SAMD15: variants seen among roughly 807,000 people sequenced by gnomAD.
SAMD15 encodes the protein sterile alpha motif domain-containing protein 15.
Under a neutral mutation model 50.5 loss-of-function variants are expected in SAMD15, and 37 were observed. That is an observed-to-expected ratio of 0.73 (90% confidence interval 0.56 to 0.96). The LOEUF (loss-of-function observed/expected upper bound fraction) is 0.96. SAMD15 is among the 40% of genes least tolerant of loss of function. SAMD15 has a pLI of 0.00. For synonymous variants in SAMD15, 255 were observed against 282.8 expected (o/e 0.90, Z 0.99); for missense variants, 789 against 783.8 (o/e 1.01, Z -0.08).
intron 2 of SAMD15, among the ~76,000 whole-genome samples, chr14:77,388,045 T>C (rs1432405672): frequency 6.6e-6 from 1 of 152,168 alleles, no homozygotes; most frequent in Non-Finnish European, 1.5e-5. Flanking sequence ...CTTCCTGTCT[T>C]GATAAATAAA....
chr14:77,390,122 G>T (rs548497395), intron 2 of SAMD15, among the ~76,000 whole-genome samples: 13 of 151,548 alleles, frequency 8.6e-5, no homozygotes, highest in African/African-American at 2.9e-4. Context: ...CAGTCTCCTG[G>T]GTAGCTGGGA....
At position 77,377,709 on chromosome 14, in the gene SAMD15, C is replaced by A. The variant is rs890400984; in HGVS notation, c.291C>A (p.Ser97Arg). ...AGGAGTCCAAGAGAGACGTACCAAG[C>A]GAAACTGAACCAGGGATACACCAAG... ...IAKESKRDVPSETEPGIHQEV... is the reference protein window; with the variant it reads ...IAKESKRDVPRETEPGIHQEV... Residue 97 changes from serine to arginine, a missense_variant, in exon 1 of 3, where the codon AGC (serine) becomes AGA (arginine). This residue lies in a region of SAMD15 where 770 missense variants were observed against 745.4 expected (regional missense o/e 1.03). Coordinates refer to ENST00000216471, the MANE Select transcript of SAMD15 (RefSeq NM_001010860.4). 2 of 1,614,062 alleles carry A rather than the reference C, an allele frequency of 1.2e-6. No individual in the cohort carries two copies. The highest frequency in any genetic ancestry group is 3.3e-5 in the Admixed American group (2 of 60,012).
At position 77,391,337 on chromosome 14, in the gene SAMD15, T is replaced by A; in HGVS notation, c.*93T>A. 1 of 817,964 alleles carries A rather than the reference T, an allele frequency of 1.2e-6. No individual in the cohort carries two copies. The highest frequency in any genetic ancestry group is 1.8e-5 in the South Asian group (1 of 55,822). The allele number at this position is 817,964 out of a possible 1,614,324, so 50.7% of individuals were successfully genotyped here. A position where few individuals can be genotyped will look rare whatever the true frequency, so the allele number is the denominator to read the frequency against. On this transcript the variant is annotated 3_prime_UTR_variant, in exon 3 of 3. Coordinates refer to ENST00000216471, the MANE Select transcript of SAMD15 (RefSeq NM_001010860.4). ...TTGGTTTTCTTTTTCTCCTTTTTTT[T>A]TTTTTTATTTTTTTGAGACAGAGTC...
chr14:77,386,198 T>A (rs1299245854), intron 2 of SAMD15, among the ~76,000 whole-genome samples: 2 of 152,122 alleles, frequency 1.3e-5, no homozygotes, highest in Non-Finnish European at 2.9e-5. Flanking sequence ...GTAAAACCAT[T>A]CTTTGTTGTG....
At chr14:77,387,547 A>G (rs1406469145) in intron 2 of SAMD15, among the ~76,000 whole-genome samples, 1 of 152,178 alleles carries the variant, frequency 6.6e-6, no homozygotes, top group Non-Finnish European at 1.5e-5. Context: ...AAATCACTGA[A>G]TAGGAGGAGA....
Position 77,391,336 on chromosome 14 carries a change from T to TA in SAMD15, c.*92_*93insA. The TA allele has an allele frequency of 2.5e-6, 2 of 816,142 alleles. No individual in the cohort carries two copies. Among genetic ancestry groups the TA allele is most frequent in the Non-Finnish European group, 1.9e-6 (1 of 514,530 alleles). The allele number at this position is 816,142 out of a possible 1,614,324, so 50.6% of individuals were successfully genotyped here. A position where few individuals can be genotyped will look rare whatever the true frequency, so the allele number is the denominator to read the frequency against. On this transcript the variant is annotated 3_prime_UTR_variant, in exon 3 of 3. Transcript: ENST00000216471. ...TTTGGTTTTCTTTTTCTCCTTTTTTTTTTTTTTATTTTTTTGAGACAGAGT... is the reference window on the plus strand; with the variant it reads ...TTTGGTTTTCTTTTTCTCCTTTTTTTATTTTTTTATTTTTTTGAGACAGAGT...
chr14:77,391,565 G>A lies in SAMD15; in HGVS notation c.*321G>A, dbSNP rs558260605. On this transcript the variant is annotated 3_prime_UTR_variant, in exon 3 of 3. Coordinates refer to ENST00000216471, the MANE Select transcript of SAMD15 (RefSeq NM_001010860.4). ...ACTCCTAACAGTTGATCTGCCCGCC[G>A]TGGCGTCCCAAAGTGCTGGGATTAC... 9 of 201,128 alleles carry A rather than the reference G, an allele frequency of 4.5e-5. No homozygotes were observed. Among genetic ancestry groups the A allele is most frequent in the South Asian group, 2.7e-4 (2 of 7,294 alleles). The allele number at this position is 201,128 out of a possible 1,614,324, so 12.5% of individuals were successfully genotyped here.
intron 2 of SAMD15, among the ~76,000 whole-genome samples, chr14:77,382,776 C>A (rs1049483333): frequency 1.7e-4 from 26 of 151,952 alleles, no homozygotes; most frequent in Non-Finnish European, 3.1e-4. Flanking sequence ...AGTGCAGTGG[C>A]TCGATTTCAG....
At position 77,391,915 on chromosome 14, in the gene SAMD15, A is replaced by G. The variant is rs1894078404; in HGVS notation, c.*671A>G. On this transcript the variant is annotated 3_prime_UTR_variant, in exon 3 of 3. Transcript: ENST00000216471. ...CTAAAAATACAAAAATTAGCTGGGC[A>G]TGGTGGCACATGCCTGTAGTCCCAG... 6.6e-6 allele frequency among the ~76,000 whole-genome samples: 1 copy of G among 152,170 alleles called. No individual in the cohort carries two copies. The highest frequency in any genetic ancestry group is 2.4e-5 in the African/African-American group (1 of 41,530).
At position 77,380,407 on chromosome 14, in the gene SAMD15, AG is replaced by A; in HGVS notation, c.1715del (p.Ser572MetfsTer18). The A allele has an allele frequency of 6.2e-7, 1 of 1,613,568 alleles. No individual in the cohort carries two copies. Among genetic ancestry groups the A allele is most frequent in the Non-Finnish European group, 8.5e-7 (1 of 1,179,522 alleles). On this transcript the variant is annotated frameshift_variant, in exon 2 of 3. Transcript: ENST00000216471. LOFTEE classifies it high-confidence loss of function. ...GGAGTGTTTTATCACAAACTTCATC[AG>A]TGGCCGAAAACTCATTCACGTCAAC... ...YKECFITNFI[S>X]GRKLIHVNCS...
chr14:77,390,258 A>T (rs1894056743), intron 2 of SAMD15, among the ~76,000 whole-genome samples: 2 of 152,056 alleles, frequency 1.3e-5, no homozygotes, highest in African/African-American at 4.8e-5. Flanking sequence ...TGCCTCCCAA[A>T]GTGCTGGGAT....
Position 77,377,808 on chromosome 14 carries a change from TA to T in SAMD15, c.393del (p.Glu132SerfsTer4). On this transcript the variant is annotated frameshift_variant, in exon 1 of 3. Transcript: ENST00000216471. LOFTEE classifies it high-confidence loss of function. Reference sequence around the variant, plus strand: ...TGGAGGCCCCTATGGATGAAACGCATAAAGAGTCAGACCTAGAGCCACCAGA... The same window carrying T: ...TGGAGGCCCCTATGGATGAAACGCATAAGAGTCAGACCTAGAGCCACCAGA... ...DLEAPMDETH[K>X]ESDLEPPEEA... 7 of 1,614,066 alleles carry T rather than the reference TA, an allele frequency of 4.3e-6. No individual in the cohort carries two copies. The highest frequency in any genetic ancestry group is 5.9e-6 in the Non-Finnish European group (7 of 1,180,016).
At chr14:77,383,243 A>AAAT (rs964750165) in intron 2 of SAMD15, among the ~76,000 whole-genome samples, 5 of 152,180 alleles carry the variant, frequency 3.3e-5, no homozygotes, top group Non-Finnish European at 7.3e-5. Context: ...TCGCTTAAAA[A>AAAT]AATAATAATA....
intron 2 of SAMD15, among the ~76,000 whole-genome samples, chr14:77,386,333 A>G (rs1894006239): frequency 6.6e-6 from 1 of 152,136 alleles, no homozygotes; most frequent in Non-Finnish European, 1.5e-5. Context: ...CGTAATCCCT[A>G]ATCTGTTTTT....
In SAMD15 at chr14:77,378,262, G is replaced by A. The variant is rs1893881142; in HGVS notation, c.844G>A (p.Glu282Lys). The A allele has an allele frequency of 3.1e-6, 5 of 1,613,674 alleles. No individual in the cohort carries two copies. The South Asian group carries it at 5.5e-5, about 18-fold the overall frequency. The change falls in exon 1 of 3, where the codon GAA becomes AAA. Residue 282 changes from glutamate to lysine, a missense_variant. This residue lies in a region of SAMD15 where 770 missense variants were observed against 745.4 expected (regional missense o/e 1.03). Transcript: ENST00000216471. ...SSEEAGLEPPEETQPEVPEEM... is the reference protein window; with the variant it reads ...SSEEAGLEPPKETQPEVPEEM... ...TGAGGAGGCAGGTCTAGAGCCTCCA[G>A]AAGAGACTCAACCAGAGGTTCCAGA...
chr14:77,377,929 G>GT lies in SAMD15; in HGVS notation c.514dup (p.Ser172PhefsTer18). ...GCCACCAACGGAAACCATGTCTGAG[G>GT]TTTCGGGGGCCACAGTCAGAGAGAG... is the stretch of plus-strand genomic sequence containing the variant. On this transcript the variant is annotated frameshift_variant, in exon 1 of 3. Transcript: ENST00000216471. LOFTEE classifies it high-confidence loss of function. The GT allele has an allele frequency of 6.2e-7, 1 of 1,614,126 alleles. No individual in the cohort carries two copies. Among genetic ancestry groups the GT allele is most frequent in the Non-Finnish European group, 8.5e-7 (1 of 1,180,028 alleles).
At chr14:77,390,471 G>T (rs2139654333) in intron 2 of SAMD15, among the ~76,000 whole-genome samples, 1 of 152,266 alleles carries the variant, frequency 6.6e-6, no homozygotes, top group South Asian at 2.1e-4. Context: ...GCCATCTGAT[G>T]CAAGGGCCTA....
At chr14:77,383,989 A>C (rs1893977202) in intron 2 of SAMD15, among the ~76,000 whole-genome samples, 2 of 151,272 alleles carry the variant, frequency 1.3e-5, no homozygotes, top group Admixed American at 6.6e-5. Flanking sequence ...AAAAAAAAAA[A>C]AAAAAAAAAA....
At position 77,391,233 on chromosome 14, in the gene SAMD15, A is replaced by G. The variant is rs777767687; in HGVS notation, c.2014A>G (p.Thr672Ala). ...TGAAGAGAATGAGGAATTACCTTGC[A>G]CTGAACCATAGGGGAAATCCACTTC... ...APEENEELPC[T>A]EP Residue 672 changes from threonine to alanine, a missense_variant, in exon 3 of 3, where the codon ACT becomes GCT. Around this residue, in one of 2 missense-constraint regions of SAMD15, gnomAD observed 19 missense variants for 38.3 expected, o/e 0.50. Coordinates refer to ENST00000216471, the MANE Select transcript of SAMD15 (RefSeq NM_001010860.4). The G allele has an allele frequency of 4.4e-6, 7 of 1,601,998 alleles. 1 individual carries two copies. The Admixed American group carries it at 1.2e-4, about 27-fold the overall frequency.
Sources: gnomAD v4.1 joint callset for allele counts (sites outside exome capture counted in the v4.1 genomes callset) on GRCh38, gnomAD v4.1.1 for gene constraint, gnomAD v4.1.1 regional missense constraint, MANE v1.5 for transcripts, NCBI Gene and HGNC (gene_info 2026-07-23, HGNC 2026-07-21) for gene names.